The following FAM184A variants were observed in gnomAD, a reference collection of about 807,000 sequenced individuals.
The protein encoded by FAM184A is protein FAM184A.
In FAM184A, 99 loss-of-function variants were observed where a neutral mutation model predicts 143.8. The observed-to-expected ratio is 0.69, with a 90% CI of 0.58 to 0.81. FAM184A has a LOEUF of 0.81. Among genes scored for constraint, FAM184A ranks in the 40% least tolerant of loss-of-function variants. The pLI is 0.00. For missense variants in FAM184A, 1,217 were observed against 1,310.5 expected (o/e 0.93, Z 1.10); for synonymous variants, 427 against 446.4 (o/e 0.96, Z 0.55).
At chr6:119,036,025 C>T (rs1582536317) in intron 1 of FAM184A, among the ~76,000 whole-genome samples, 1 of 152,216 alleles carries the variant, frequency 6.6e-6, no homozygotes, top group East Asian at 1.9e-4. Flanking sequence ...TGACTCTTTT[C>T]GTTGACACCA....
chr6:119,024,037 T>G lies in FAM184A; in HGVS notation c.936A>C (p.Val312=). The change falls in exon 2 of 18, where the codon GTA becomes GTC. Residue 312 remains valine (V), a synonymous_variant. Transcript: ENST00000338891. ...CAAGAAGACTTCCAGCTTCATCCTG[T>G]ACCATCTGTAACTCTGTCTTTAATT... ...IGKLKTELQM[V]QDEAGSLLDK... 1 of 1,614,118 alleles carries G rather than the reference T, an allele frequency of 6.2e-7. No individual in the cohort carries two copies. The highest frequency in any genetic ancestry group is 8.5e-7 in the Non-Finnish European group (1 of 1,180,020).
Position 118,961,785 on chromosome 6 carries a change from G to C in FAM184A, c.3317C>G (p.Pro1106Arg), listed in dbSNP as rs778190051. 1 of 1,613,844 alleles carries C rather than the reference G, an allele frequency of 6.2e-7. No individual in the cohort carries two copies. Among genetic ancestry groups the C allele is most frequent in the East Asian group, 2.2e-5 (1 of 44,874 alleles). The change falls in exon 17 of 18, where the codon CCT (proline) becomes CGT (arginine). Residue 1106 changes from proline (P) to arginine (R), a missense_variant. Transcript: ENST00000338891. ...SSKPLPQPVP[P>R]KGPKTFLSPA... is the part of the protein sequence containing the mutation. Reference sequence around the variant, plus strand: ...CCTCAAAAATGTCTTGGGCCCTTTAGGTGGCACTGGCTGTGGAAGTGGTTT... The same window carrying C: ...CCTCAAAAATGTCTTGGGCCCTTTACGTGGCACTGGCTGTGGAAGTGGTTT...
chr6:118,980,720 A>G (rs1221177002), intron 9 of FAM184A, among the ~76,000 whole-genome samples: 1 of 152,236 alleles, frequency 6.6e-6, no homozygotes, highest in African/African-American at 2.4e-5. Flanking sequence ...AGGAAAGAGT[A>G]TGTTAAACCA....
intron 1 of FAM184A, among the ~76,000 whole-genome samples, chr6:119,030,341 T>C (rs1482563538): frequency 6.6e-6 from 1 of 152,128 alleles, no homozygotes; most frequent in Admixed American, 6.5e-5. Flanking sequence ...CTGGATATAG[T>C]ATCCTCTAAT....
intron 1 of FAM184A, among the ~76,000 whole-genome samples, chr6:119,083,749 C>T (rs1788138344): frequency 6.6e-6 from 1 of 152,290 alleles, no homozygotes; most frequent in African/African-American, 2.4e-5. Flanking sequence ...TGGTCAAATT[C>T]ATTCAACAAG....
chr6:119,095,587 G>A (rs918683023), intron 1 of FAM184A, among the ~76,000 whole-genome samples: 1 of 151,934 alleles, frequency 6.6e-6, no homozygotes, highest in African/African-American at 2.4e-5. Context: ...TTTAGAGGTA[G>A]GTACTCTGTT....
chr6:119,141,549 T>C (rs1772236888), intron 1 of FAM184A, among the ~76,000 whole-genome samples: 1 of 152,192 alleles, frequency 6.6e-6, no homozygotes, highest in African/African-American at 2.4e-5. Context: ...CGATCTTGGC[T>C]CACTGCAGTC....
intron 1 of FAM184A, among the ~76,000 whole-genome samples, chr6:119,034,700 G>A (rs186834431): frequency 6.6e-6 from 1 of 150,980 alleles, no homozygotes; most frequent in Admixed American, 6.6e-5. Flanking sequence ...GGTTTTTAAT[G>A]TCAAGTTTCT....
At chr6:119,066,910 A>G (rs997943325) in intron 1 of FAM184A, among the ~76,000 whole-genome samples, 1 of 152,264 alleles carries the variant, frequency 6.6e-6, no homozygotes, top group African/African-American at 2.4e-5. Context: ...CTTTAGGTAC[A>G]TAGACAAAGA....
intron 17 of FAM184A, among the ~76,000 whole-genome samples, chr6:118,960,422 C>G (rs1193532929): frequency 6.6e-6 from 1 of 151,938 alleles, no homozygotes; most frequent in Admixed American, 6.6e-5. Flanking sequence ...ACAACAATCA[C>G]AAAGAACAAA....
In FAM184A at chr6:118,975,179, A is replaced by T; in HGVS notation, c.2613T>A (p.Asp871Glu). 6.2e-7 allele frequency: 1 copy of T among 1,607,754 alleles called. No individual in the cohort carries two copies. Among genetic ancestry groups the T allele is most frequent in the Non-Finnish European group, 8.5e-7 (1 of 1,177,104 alleles). ...QSKEHICRIT[D>E]LQEELRHREH... ...CTCTGTGTCTTAATTCCTCTTGTAGATCTGTAATTCTACATATGTGCTCCT... is the reference window on the plus strand; with the variant it reads ...CTCTGTGTCTTAATTCCTCTTGTAGTTCTGTAATTCTACATATGTGCTCCT... The change falls in exon 13 of 18, where the codon GAT (aspartate) becomes GAA (glutamate). Residue 871 changes from aspartate to glutamate, a missense_variant. Physicochemically the swap from Asp to Glu is conservative, Grantham distance 45. Transcript: ENST00000338891.
chr6:119,122,098 C>T (rs1270786077), intron 1 of FAM184A, among the ~76,000 whole-genome samples: 1 of 152,128 alleles, frequency 6.6e-6, no homozygotes, highest in African/African-American at 2.4e-5. Context: ...TCTTTTCTAT[C>T]AGAGTGAATT....
chr6:119,016,427 C>T (rs1785256346), intron 5 of FAM184A, among the ~76,000 whole-genome samples: 1 of 152,102 alleles, frequency 6.6e-6, no homozygotes, highest in Admixed American at 6.5e-5. Context: ...CTGAGCCTAG[C>T]AAGACCACGA....
In FAM184A at chr6:119,130,101, G is replaced by A. The variant is rs145926657; in HGVS notation, c.-202+18977C>T. On this transcript the variant is annotated intron_variant, in intron 1 of 16. Transcript: ENST00000352896. ...GAGATTGTCAATATTTGGAGTATGA[G>A]TCATATATTTTTCCATGTCAATATT... Among the ~76,000 whole-genome samples, 57 of 152,046 alleles carry A rather than the reference G, an allele frequency of 3.7e-4. 1 individual carries two copies. The East Asian group carries it at 0.01, about 28-fold the overall frequency.
At chr6:119,118,167 T>A (rs541958039) in intron 1 of FAM184A, among the ~76,000 whole-genome samples, 3 of 152,316 alleles carry the variant, frequency 2.0e-5, no homozygotes, top group African/African-American at 7.2e-5. Context: ...CAAGGATAAT[T>A]CTTATTTTTT....
At chr6:119,029,905 G>A (rs1785806978) in intron 1 of FAM184A, among the ~76,000 whole-genome samples, 1 of 152,092 alleles carries the variant, frequency 6.6e-6, no homozygotes, top group Non-Finnish European at 1.5e-5. Context: ...GCAAAGTTGA[G>A]TAGTTGTGGA....
rs1408354263 is a variant in FAM184A, at chr6:118,975,055, T to C, written c.2737A>G (p.Arg913Gly). The part of the protein sequence containing the change: ...ELEFKGKEIL[R>G]IRSESNQQIR... Reference sequence around the variant, plus strand: ...TGTTGGTTAGATTCACTTCGTATTCTGAGAATTTCTTTCCCCTTAAATTCC... The same window carrying C: ...TGTTGGTTAGATTCACTTCGTATTCCGAGAATTTCTTTCCCCTTAAATTCC... Residue 913 changes from arginine to glycine, a missense_variant, in exon 13 of 18, where the codon AGA (arginine) becomes GGA (glycine). Transcript: ENST00000338891. The C allele has an allele frequency of 6.2e-7, 1 of 1,613,260 alleles. No homozygotes were observed. The highest frequency in any genetic ancestry group is 8.5e-7 in the Non-Finnish European group (1 of 1,179,544).
intron 1 of FAM184A, among the ~76,000 whole-genome samples, chr6:119,032,496 A>C (rs1195524504): frequency 8.5e-6 from 1 of 117,454 alleles, no homozygotes; most frequent in Non-Finnish European, 1.8e-5. Flanking sequence ...GGAGGGGGAG[A>C]GGGAGAGGGA....
chr6:119,086,497 G>T lies in FAM184A; in HGVS notation c.-201-61684C>A, dbSNP rs147153392. Among the ~76,000 whole-genome samples the T allele has an allele frequency of 3.2e-3, 487 of 152,288 alleles. 3 individuals are homozygous for T. The highest frequency in any genetic ancestry group is 0.012 in the African/African-American group (479 of 41,566). The stretch of plus-strand genomic sequence containing the variant: ...GAAGGCTGAGTTTTTCAGGTAAAAT[G>T]GGTAGGAAGGTAGATTACAAGCTCT... On this transcript the variant is annotated intron_variant, in intron 1 of 16. Coordinates refer to the FAM184A transcript ENST00000352896.
Sources: gnomAD v4.1 joint callset for allele counts (sites outside exome capture counted in the v4.1 genomes callset) on GRCh38, gnomAD v4.1.1 for gene constraint, MANE v1.5 for transcripts, NCBI Gene and HGNC (gene_info 2026-07-23, HGNC 2026-07-21) for gene names.